Variants in H3C6 observed in about 807,000 individuals in gnomAD.
H3C6 encodes H3 clustered histone 6, also known as histone H3.1.
A neutral mutation model predicts 8.0 loss-of-function variants in H3C6; 17 were observed. That is an observed-to-expected ratio of 2.13 (90% CI 1.46 to 3.19). The LOEUF is 3.19. Ranked by LOEUF, H3C6 falls within the 30% of genes most tolerant of loss-of-function variation. The pLI, the probability that H3C6 is intolerant of heterozygous loss-of-function variation, is 0.00. For synonymous variants in H3C6, 169 were observed against 78.0 expected, an observed-to-expected ratio of 2.17 and a Z score of -6.15; for missense variants, 298 against 193.8, an observed-to-expected ratio of 1.54 and a Z score of -3.19.
chr6:26,224,727 G>T (rs1189058185), upstream of H3C6, among the ~76,000 whole-genome samples: 4 of 152,248 alleles, frequency 2.6e-5, no homozygotes, highest in South Asian at 2.1e-4. Context: ...CTTAGGCAAC[G>T]GATTTTAAAT....
rs773151729 is a variant in H3C6 at position 26,225,337 on chromosome 6, T to C, written c.183T>C (p.Leu61=). The change falls in exon 1 of 1, where the codon CTT becomes CTC. Residue 61 remains leucine (L), a synonymous_variant. Coordinates refer to ENST00000614911, the MANE Select transcript of H3C6 (RefSeq NM_003532.3). ...EIRRYQKSTE[L]LIRKLPFQRL... is the part of the protein sequence containing the mutation. ...GTCGCTACCAGAAGTCTACCGAGCT[T>C]CTAATCCGGAAGCTGCCGTTTCAGC... 6.2e-7 allele frequency: 1 copy of C among 1,614,220 alleles called. No homozygotes were observed. Among genetic ancestry groups the C allele is most frequent in the South Asian group, 1.1e-5 (1 of 91,086 alleles).
At chr6:26,225,125 T>C (rs1765598069), upstream of H3C6, 8 of 1,523,742 alleles carry the variant, frequency 5.3e-6, no homozygotes, top group Non-Finnish European at 3.5e-6. Context: ...CAAACCAATC[T>C]TCCTAACTCA....
downstream of H3C6, chr6:26,226,726 C>T (rs1256480451): frequency 1.3e-5 from 2 of 152,072 alleles, no homozygotes; most frequent in Non-Finnish European, 2.9e-5. Context: ...GGCACAGCTT[C>T]GAAACTGGTA....
chr6:26,225,257 G>C lies in H3C6; in HGVS notation c.103G>C (p.Gly35Arg). The change falls in exon 1 of 1, where the codon GGC becomes CGC. Residue 35 changes from glycine to arginine, a missense_variant. Coordinates refer to ENST00000614911, the MANE Select transcript of H3C6 (RefSeq NM_003532.3). ...AARKSAPATG[G>R]VKKPHRYRPG... is the part of the protein sequence containing the mutation. ...TCGCAAGAGCGCTCCGGCCACGGGCGGCGTGAAGAAGCCCCATCGCTACCG... is the reference window on the plus strand; with the variant it reads ...TCGCAAGAGCGCTCCGGCCACGGGCCGCGTGAAGAAGCCCCATCGCTACCG... The C allele has an allele frequency of 6.2e-7, 1 of 1,613,912 alleles. No individual in the cohort carries two copies. The highest frequency in any genetic ancestry group is 8.5e-7 in the Non-Finnish European group (1 of 1,179,872).
upstream of H3C6, chr6:26,224,321 A>G (rs1161681891): frequency 2.0e-5 from 3 of 152,216 alleles, no homozygotes; most frequent in African/African-American, 7.2e-5. Flanking sequence ...TCCAGTTCCT[A>G]TAAAAGTTCT....
chr6:26,225,341 A>G lies in H3C6; in HGVS notation c.187A>G (p.Ile63Val), dbSNP rs370200401. 6.2e-7 allele frequency: 1 copy of G among 1,614,240 alleles called. No individual in the cohort carries two copies. Among genetic ancestry groups the G allele is most frequent in the African/African-American group, 1.3e-5 (1 of 75,072 alleles). ...CTACCAGAAGTCTACCGAGCTTCTA[A>G]TCCGGAAGCTGCCGTTTCAGCGCCT... ...RRYQKSTELL[I>V]RKLPFQRLVR... Residue 63 changes from isoleucine (I) to valine (V), a missense_variant, in exon 1 of 1, where the codon ATC becomes GTC. Coordinates refer to ENST00000614911, the MANE Select transcript of H3C6 (RefSeq NM_003532.3).
At chr6:26,227,106 T>C (rs1759588238), downstream of H3C6, 2 of 152,218 alleles carry the variant, frequency 1.3e-5, no homozygotes, top group South Asian at 4.1e-4. Flanking sequence ...GACATGAAGA[T>C]GTGGGTCTTG....
In H3C6 at chr6:26,225,461, G is replaced by C. The variant is rs373191877; in HGVS notation, c.307G>C (p.Gly103Arg). ...LQEACEAYLV[G>R]LFEDTNLCAI... ...GGAGGCCTGCGAGGCCTACTTGGTG[G>C]GGCTTTTCGAGGACACCAACCTGTG... The change falls in exon 1 of 1, where the codon GGG becomes CGG. Residue 103 changes from glycine to arginine, a missense_variant. Gly to Arg is a moderately radical substitution (Grantham distance 125). Transcript: ENST00000614911. 2.5e-6 allele frequency: 4 copies of C among 1,614,120 alleles called. No individual in the cohort carries two copies. Among genetic ancestry groups the C allele is most frequent in the Non-Finnish European group, 3.4e-6 (4 of 1,180,052 alleles).
chr6:26,225,844 G>C (rs1561993244), downstream of H3C6: 2 of 336,024 alleles, frequency 6.0e-6, no homozygotes, highest in East Asian at 6.2e-5. Flanking sequence ...CTGCTTTCTT[G>C]TACATTGTTC....
At position 26,225,319 on chromosome 6, in the gene H3C6, C is replaced by T. The variant is rs77998438; in HGVS notation, c.165C>T (p.Tyr55=). 2,865 of 1,614,238 alleles carry T rather than the reference C, an allele frequency of 1.8e-3. 28 individuals carry two copies. In the African/African-American group the frequency reaches 0.027, roughly 15 times the overall value. ...TGGCTCTGCGCGAGATCCGTCGCTA[C>T]CAGAAGTCTACCGAGCTTCTAATCC... ...GTVALREIRR[Y]QKSTELLIRK... is the part of the protein sequence containing the mutation. Residue 55 remains tyrosine (Y), a synonymous_variant, in exon 1 of 1, where the codon TAC becomes TAT. Coordinates refer to ENST00000614911, the MANE Select transcript of H3C6 (RefSeq NM_003532.3).
At chr6:26,224,656 A>C (rs1765589002), upstream of H3C6, among the ~76,000 whole-genome samples, 1 of 152,214 alleles carries the variant, frequency 6.6e-6, no homozygotes, top group South Asian at 2.1e-4. Context: ...TATCTTAGAA[A>C]ACCTTGTTTG....
chr6:26,224,338 T>C (rs1482381831), upstream of H3C6: 1 of 152,240 alleles, frequency 6.6e-6, no homozygotes, highest in African/African-American at 2.4e-5. Context: ...TTCTGTTGGA[T>C]GTGTCTTAAA....
rs1759510583 is a variant in H3C6, at chr6:26,225,449, G to A, written c.295G>A (p.Ala99Thr). The change falls in exon 1 of 1, where the codon GCC (alanine) becomes ACC (threonine). Residue 99 changes from alanine to threonine, a missense_variant. By Grantham distance (58) the Ala-to-Thr change is moderately conservative. Coordinates refer to ENST00000614911, the MANE Select transcript of H3C6 (RefSeq NM_003532.3). ...AVMALQEACE[A>T]YLVGLFEDTN... is the part of the protein sequence containing the mutation. Reference sequence around the variant, plus strand: ...GATGGCGCTGCAGGAGGCCTGCGAGGCCTACTTGGTGGGGCTTTTCGAGGA... The same window carrying A: ...GATGGCGCTGCAGGAGGCCTGCGAGACCTACTTGGTGGGGCTTTTCGAGGA... 6.2e-7 allele frequency: 1 copy of A among 1,614,150 alleles called. No individual in the cohort carries two copies. The highest frequency in any genetic ancestry group is 8.5e-7 in the Non-Finnish European group (1 of 1,180,056).
At position 26,225,564 on chromosome 6, in the gene H3C6, G is replaced by A. The variant is rs1759520791; in HGVS notation, c.410G>A (p.Ter137=). 1.9e-6 allele frequency: 3 copies of A among 1,611,718 alleles called. No individual in the cohort carries two copies. The highest frequency in any genetic ancestry group is 2.2e-5 in the East Asian group (1 of 44,878). ...LARRIRGERA[*] is the part of the protein sequence containing the mutation. ...CGCCGCATTCGTGGGGAGAGGGCGT[G>A]AATTGTTTTGAGTACAAACCTTAAA... The change falls in exon 1 of 1, where the codon TGA becomes TAA. Residue 137 remains the stop codon, a stop_retained_variant. Transcript: ENST00000614911.
chr6:26,225,612 A>T lies in H3C6; in HGVS notation c.*47A>T, dbSNP rs758091819. The T allele has an allele frequency of 9.6e-6, 15 of 1,567,226 alleles. No individual in the cohort carries two copies. The East Asian group carries it at 3.1e-4, about 33-fold the overall frequency. On this transcript the variant is annotated 3_prime_UTR_variant, in exon 1 of 1. Coordinates refer to ENST00000614911, the MANE Select transcript of H3C6 (RefSeq NM_003532.3). ...AAATCCAAAGGCTCTTCTCAGAGCCAACCACTTTGTCCGTGAAAAGGGCTG... is the reference window on the plus strand; with the variant it reads ...AAATCCAAAGGCTCTTCTCAGAGCCTACCACTTTGTCCGTGAAAAGGGCTG...
chr6:26,225,536 G>T lies in H3C6; in HGVS notation c.382G>T (p.Ala128Ser). 3 of 1,613,906 alleles carry T rather than the reference G, an allele frequency of 1.9e-6. No individual in the cohort carries two copies. Among genetic ancestry groups the T allele is most frequent in the Non-Finnish European group, 2.5e-6 (3 of 1,179,836 alleles). ...VTIMPKDIQL[A>S]RRIRGERA ...CATCATGCCTAAAGACATCCAGCTT[G>T]CCCGCCGCATTCGTGGGGAGAGGGC... The change falls in exon 1 of 1, where the codon GCC becomes TCC. Residue 128 changes from alanine (A) to serine (S), a missense_variant. Ala to Ser is a moderately conservative substitution (Grantham distance 99). Coordinates refer to ENST00000614911, the MANE Select transcript of H3C6 (RefSeq NM_003532.3).
At chr6:26,225,642 C>T (rs1468926395), downstream of H3C6, 13 of 1,507,802 alleles carry the variant, frequency 8.6e-6, no homozygotes, top group African/African-American at 1.4e-5. Flanking sequence ...GGGCTGTAAT[C>T]CTTTGAGACG....
At chr6:26,224,618 AAC>A (rs1341802646), upstream of H3C6, among the ~76,000 whole-genome samples, 1 of 152,232 alleles carries the variant, frequency 6.6e-6, no homozygotes, top group Non-Finnish European at 1.5e-5. Context: ...ACACAAATGA[AAC>A]ACAAAGTTCC....
downstream of H3C6, chr6:26,225,834 C>A (rs1759534919): frequency 2.7e-6 from 1 of 374,704 alleles, no homozygotes. Context: ...AGGCCCTCTG[C>A]TGCTTTCTTG....
Sources: allele counts gnomAD v4.1 joint callset (sites outside exome capture counted in the v4.1 genomes callset), GRCh38; gene constraint gnomAD v4.1.1; transcripts MANE v1.5; gene names NCBI Gene and HGNC (gene_info 2026-07-23, HGNC 2026-07-21).